Variants in PSMD13 observed in about 807,000 individuals in gnomAD.
PSMD13 encodes the protein proteasome 26S subunit, non-ATPase 13.
In PSMD13, 8 loss-of-function variants were observed where a neutral mutation model predicts 57.4. That is an observed-to-expected ratio of 0.14 (90% CI 0.08 to 0.25). The LOEUF (loss-of-function observed/expected upper bound fraction) is 0.25. Among genes scored for constraint, PSMD13 ranks in the 10% least tolerant of loss-of-function variants. The pLI, the probability that PSMD13 is intolerant of heterozygous loss-of-function variation, is 1.00. For synonymous variants in PSMD13, 193 were observed against 168.2 expected (o/e 1.15, Z -1.14); for missense variants, 400 against 461.5 (o/e 0.87, Z 1.22).
chr11:244,634 C>G, intron 5 of PSMD13, 41 bp from the exon 6 acceptor site: 1 of 1,576,760 alleles, frequency 6.3e-7, no homozygotes, highest in Non-Finnish European at 8.7e-7. Context: ...AGTCAACTGC[C>G]CACATTCTGA....
In PSMD13 at chr11:249,045, C is replaced by T; in HGVS notation, c.762C>T (p.Ala254=). ...AGCGGTTCCAGACTCTGAAGACTGC[C>T]TGGGGCCAGCAGGTAGGACTCCCAC... ...NVERFQTLKT[A]WGQQPDLAAN... Residue 254 remains alanine (A), a synonymous_variant, in exon 9 of 13, where the codon GCC becomes GCT. Transcript: ENST00000532097. 6.2e-7 allele frequency: 1 copy of T among 1,612,852 alleles called. No homozygotes were observed. Among genetic ancestry groups the T allele is most frequent in the Non-Finnish European group, 8.5e-7 (1 of 1,180,020 alleles).
intron 7 of PSMD13, chr11:248,261 TA>T (rs1859698056): frequency 6.4e-6 from 1 of 155,048 alleles, no homozygotes; most frequent in African/African-American, 2.4e-5. Context: ...ATTTTCAGCA[TA>T]TTTTAGATGT....
chr11:247,253 G>T, intron 6 of PSMD13, 24 bp from the exon 7 acceptor site: 1 of 1,587,994 alleles, frequency 6.3e-7, no homozygotes, highest in Non-Finnish European at 8.6e-7. Context: ...TAAAAAGAGA[G>T]ATGATTTTCC....
Position 245,691 on chromosome 11 carries a change from TGTTC to T in PSMD13, c.396+933_396+936del, listed in dbSNP as rs1220303410. The stretch of plus-strand genomic sequence containing the variant: ...GTGTGTGTGTGTGTGTTTGCATGTG[TGTTC>T]GTGTGTTTGTGTGTGTTTGTGTGTG... On this transcript the variant is annotated intron_variant, in intron 6 of 12. Transcript: ENST00000532097. Among the ~76,000 whole-genome samples the T allele has an allele frequency of 2.9e-3, 291 of 98,876 alleles. 2 individuals carry two copies. The highest frequency in any genetic ancestry group is 0.011 in the African/African-American group (250 of 23,250). The allele number at this position is 98,876 out of a possible 152,430, so 64.9% of individuals were successfully genotyped here.
Position 251,768 on chromosome 11 carries a change from A to C in PSMD13, c.919-52A>C. On this transcript the variant is annotated intron_variant, in intron 11 of 12. Transcript: ENST00000532097. This position sits in a 1 kb window ranked among gnomAD's most constrained non-coding sequence, Gnocchi z 4.6. ...TGCTTCTCACAAGCCATCTGGGTCC[A>C]TGGGGGTGTGTCAGGCTATCTTGTC... The C allele has an allele frequency of 6.3e-7, 1 of 1,580,032 alleles. No homozygotes were observed. The highest frequency in any genetic ancestry group is 8.7e-7 in the Non-Finnish European group (1 of 1,150,856).
In PSMD13 at chr11:239,058, A is replaced by T; in HGVS notation, c.156A>T (p.Gln52His). ...TTGTGCAGGATCCGTGCTTTGCCCA[A>T]GGAGATGGTCTCATTAAGGTAAATA... is the stretch of plus-strand genomic sequence containing the variant. ...LDFVQDPCFA[Q>H]GDGLIKLYEN... The change falls in exon 2 of 13, where the codon CAA (glutamine) becomes CAT (histidine). Residue 52 changes from glutamine to histidine, a missense_variant. Transcript: ENST00000532097. 1 of 1,614,048 alleles carries T rather than the reference A, an allele frequency of 6.2e-7. No individual in the cohort carries two copies. Among genetic ancestry groups the T allele is most frequent in the Non-Finnish European group, 8.5e-7 (1 of 1,179,910 alleles).
At chr11:247,104 C>G (rs1275303250) in intron 6 of PSMD13, among the ~76,000 whole-genome samples, 173 bp from the exon 7 acceptor site, 1 of 152,110 alleles carries the variant, frequency 6.6e-6, no homozygotes, top group Non-Finnish European at 1.5e-5. Context: ...AAATCTTAGC[C>G]AAGCACAGTG....
chr11:238,965 G>A (rs758270920), intron 1 of PSMD13, 33 bp from the exon 2 acceptor site: 5 of 1,592,026 alleles, frequency 3.1e-6, no homozygotes, highest in Middle Eastern at 1.7e-4. Context: ...CTGGATATTA[G>A]GTTAGAGGTC....
chr11:239,107 T>C lies in PSMD13; in HGVS notation c.174+31T>C, dbSNP rs374962106. ...TAATTTGCTATACCAGATTAGATTA[T>C]ATGAATGTGCTCAAGGACTTTTGAA... On this transcript the variant is annotated intron_variant, in intron 2 of 12. Coordinates refer to ENST00000532097, the MANE Select transcript of PSMD13 (RefSeq NM_002817.4). 35 of 1,560,348 alleles carry C rather than the reference T, an allele frequency of 2.2e-5. No homozygotes were observed. The South Asian group carries it at 2.6e-4, about 11-fold the overall frequency.
rs1394567828 is a variant in PSMD13 at position 251,740 on chromosome 11, A to G, written c.919-80A>G. On this transcript the variant is annotated intron_variant, in intron 11 of 12. Coordinates refer to ENST00000532097, the MANE Select transcript of PSMD13 (RefSeq NM_002817.4). The surrounding 1 kb of genome is among the most constrained non-coding windows in gnomAD (Gnocchi z 4.6). ...AGTAAAAAATGACGGGAGGAGCGGC[A>G]TCTGCTTCTCACAAGCCATCTGGGT... 2 of 1,534,946 alleles carry G rather than the reference A, an allele frequency of 1.3e-6. No individual in the cohort carries two copies. Among genetic ancestry groups the G allele is most frequent in the East Asian group, 2.3e-5 (1 of 44,264 alleles).
intron 1 of PSMD13, 66 bp from the exon 2 acceptor site, chr11:238,932 A>G (rs1161028657): frequency 7.1e-7 from 1 of 1,413,412 alleles, no homozygotes; most frequent in Admixed American, 1.7e-5. Flanking sequence ...TGATAGAATC[A>G]TCAAGGCTGG....
intron 6 of PSMD13, 107 bp from the exon 7 acceptor site, chr11:247,170 G>GC (rs1452995420): frequency 1.8e-6 from 2 of 1,118,940 alleles, no homozygotes; most frequent in Non-Finnish European, 2.5e-6. Context: ...ATCACTTGAG[G>GC]CCAGGAGTTC....
rs1279424371 is a variant in PSMD13 at position 248,823 on chromosome 11, C to T, written c.616C>T (p.Leu206Phe). 5 of 1,614,068 alleles carry T rather than the reference C, an allele frequency of 3.1e-6. No homozygotes were observed. The Admixed American group carries it at 8.3e-5, about 27-fold the overall frequency. Reference sequence around the variant, plus strand: ...CTTCACGCTGGGGCTAGCAGGACTTCTCGGCGAGGGAGTTTTTAACTTTGG... The same window carrying T: ...CTTCACGCTGGGGCTAGCAGGACTTTTCGGCGAGGGAGTTTTTAACTTTGG... Reference protein sequence around the residue: ...RAFTLGLAGLLGEGVFNFGEL... With the variant: ...RAFTLGLAGLFGEGVFNFGEL... Residue 206 changes from leucine (L) to phenylalanine (F), a missense_variant, in exon 8 of 13, where the codon CTC (leucine) becomes TTC (phenylalanine). Transcript: ENST00000532097.
In PSMD13 at chr11:237,133, C is replaced by G. The variant is rs370974834; in HGVS notation, c.84C>G (p.Leu28=). 24 of 1,612,658 alleles carry G rather than the reference C, an allele frequency of 1.5e-5. No homozygotes were observed. The highest frequency in any genetic ancestry group is 2.0e-5 in the Non-Finnish European group (24 of 1,179,392). Residue 28 remains leucine (L), a synonymous_variant, in exon 1 of 13, where the codon CTC becomes CTG. Transcript: ENST00000532097. Reference sequence around the variant, plus strand: ...CTGTGTGGCACCGTCTGGAGGAGCTCTACACGAAGAAGTGAGCGCCGAGCA... The same window carrying G: ...CTGTGTGGCACCGTCTGGAGGAGCTGTACACGAAGAAGTGAGCGCCGAGCA... ...QPAVWHRLEE[L]YTKKLWHQLT...
chr11:246,506 A>C (rs895523414), intron 6 of PSMD13, among the ~76,000 whole-genome samples: 21 of 152,206 alleles, frequency 1.4e-4, no homozygotes, highest in African/African-American at 4.6e-4. Context: ...GTCTCAAAAA[A>C]AAAGGGAGAT....
intron 6 of PSMD13, 115 bp downstream of exon 6, chr11:244,876 G>T: frequency 5.2e-6 from 4 of 775,304 alleles, no homozygotes; most frequent in Non-Finnish European, 3.7e-6. Flanking sequence ...TTACATTACA[G>T]AAAAGTTGCA....
At chr11:248,732 A>G (rs1859705897) in intron 7 of PSMD13, 44 bp from the exon 8 acceptor site, 1 of 1,570,674 alleles carries the variant, frequency 6.4e-7, no homozygotes, top group Admixed American at 1.7e-5. Context: ...AACAGGACTG[A>G]TTATTATGAC....
intron 1 of PSMD13, 100 bp from the exon 2 acceptor site, chr11:238,898 G>A (rs1859458078): frequency 1.7e-6 from 2 of 1,173,458 alleles, no homozygotes; most frequent in African/African-American, 3.0e-5. Flanking sequence ...TTGGATTAGA[G>A]ATACCCAACC....
chr11:251,561 C>T lies in PSMD13; in HGVS notation c.853C>T (p.Pro285Ser). Residue 285 changes from proline to serine, a missense_variant, in exon 11 of 13, where the codon CCT becomes TCT. By Grantham distance (74) the Pro-to-Ser change is moderately conservative (BLOSUM62 -1). Coordinates refer to ENST00000532097, the MANE Select transcript of PSMD13 (RefSeq NM_002817.4). This position sits in a 1 kb window ranked among gnomAD's most constrained non-coding sequence, Gnocchi z 4.6. The part of the protein sequence containing the change: ...LCLMEMTFTR[P>S]ANHRQLTFEE... ...TTTTTTCCAGATGACTTTCACACGACCTGCCAATCACAGACAACTCACTTT... is the reference window on the plus strand; with the variant it reads ...TTTTTTCCAGATGACTTTCACACGATCTGCCAATCACAGACAACTCACTTT... 1.2e-6 allele frequency: 2 copies of T among 1,613,660 alleles called. No individual in the cohort carries two copies. The highest frequency in any genetic ancestry group is 1.7e-6 in the Non-Finnish European group (2 of 1,179,720).
Sources: allele counts gnomAD v4.1 joint callset (sites outside exome capture counted in the v4.1 genomes callset), GRCh38; gene constraint gnomAD v4.1.1; non-coding constraint Gnocchi (gnomAD v3.1); transcripts MANE v1.5; gene names NCBI Gene and HGNC (gene_info 2026-07-23, HGNC 2026-07-21).